ELAVL4: variants seen among roughly 807,000 people sequenced by gnomAD.
The protein encoded by ELAVL4 is ELAV like RNA binding protein 4.
ELAVL4 carries 1 observed loss-of-function variant against 35.6 expected under a neutral mutation model. The ratio of observed to expected loss-of-function variants is 0.03; its 90% CI spans 0.01 to 0.13. The LOEUF (loss-of-function observed/expected upper bound fraction) is 0.13. ELAVL4 is among the 10% of genes least tolerant of loss of function. ELAVL4 has a pLI of 1.00. For synonymous variants in ELAVL4, 156 were observed against 171.0 expected (o/e 0.91, Z 0.69); for missense variants, 267 against 464.9 (o/e 0.57, Z 3.91).
At chr1:50,075,165 C>T (rs1223227567) in intron 1 of ELAVL4, among the ~76,000 whole-genome samples, 1 of 152,028 alleles carries the variant, frequency 6.6e-6, no homozygotes, top group Admixed American at 6.6e-5. Flanking sequence ...CTAGGGCAGC[C>T]ATGTTTAAGA....
At chr1:50,164,789 C>T (rs956790142) in intron 2 of ELAVL4, among the ~76,000 whole-genome samples, 4 of 152,224 alleles carry the variant, frequency 2.6e-5, no homozygotes, top group East Asian at 1.9e-4. Flanking sequence ...CTGCTTTTCC[C>T]GGTCCTTTTA....
chr1:50,135,324 G>A (rs1442920542), intron 1 of ELAVL4, among the ~76,000 whole-genome samples: 2 of 152,130 alleles, frequency 1.3e-5, no homozygotes, highest in South Asian at 4.1e-4. Context: ...TAGGATGTAG[G>A]CATTTATACC....
At chr1:50,148,937 A>G (rs1409263216) in intron 2 of ELAVL4, among the ~76,000 whole-genome samples, 1 of 152,172 alleles carries the variant, frequency 6.6e-6, no homozygotes, top group Non-Finnish European at 1.5e-5. Flanking sequence ...TTTAGGGGAG[A>G]AAACATGTGG....
intron 1 of ELAVL4, among the ~76,000 whole-genome samples, chr1:50,091,396 T>C (rs1047049057): frequency 6.6e-5 from 10 of 152,128 alleles, no homozygotes; most frequent in African/African-American, 2.2e-4. Context: ...GAAAGTTCTC[T>C]CCTCCACCCC....
intron 3 of ELAVL4, among the ~76,000 whole-genome samples, chr1:50,189,694 A>T (rs1424721685): frequency 6.6e-6 from 1 of 152,194 alleles, no homozygotes; most frequent in East Asian, 1.9e-4. Flanking sequence ...GGCCCACAAA[A>T]GCCTGTATGA....
intron 1 of ELAVL4, among the ~76,000 whole-genome samples, chr1:50,126,966 A>G (rs991888139): frequency 1.3e-5 from 2 of 152,078 alleles, no homozygotes; most frequent in African/African-American, 2.4e-5. Context: ...GACCCCCTTG[A>G]TCACTAGTTC....
intron 1 of ELAVL4, chr1:50,048,306 A>T: frequency 5.6e-6 from 7 of 1,248,466 alleles, no homozygotes; most frequent in Non-Finnish European, 7.4e-6. Flanking sequence ...CCCGACTCCC[A>T]GGGAGGGGGA....
chr1:50,110,942 A>G (rs1666963610), intron 1 of ELAVL4, among the ~76,000 whole-genome samples: 1 of 151,986 alleles, frequency 6.6e-6, no homozygotes, highest in South Asian at 2.1e-4. Context: ...GGTGGCTATC[A>G]TGAGAACACA....
chr1:50,083,774 A>C (rs1333708074), intron 1 of ELAVL4, among the ~76,000 whole-genome samples: 4 of 152,206 alleles, frequency 2.6e-5, no homozygotes, highest in Non-Finnish European at 5.9e-5. Flanking sequence ...GTGAATTTTT[A>C]GAAGTTTCTG....
At chr1:50,113,658 T>C (rs867175325) in intron 1 of ELAVL4, among the ~76,000 whole-genome samples, 2 of 152,224 alleles carry the variant, frequency 1.3e-5, no homozygotes, top group Middle Eastern at 3.4e-3. Context: ...GGAAGGGACA[T>C]GAACATTTTC....
At position 50,066,274 on chromosome 1, in the gene ELAVL4, C is replaced by T. The variant is rs867941598; in HGVS notation, c.18+18092C>T. ...AGACTGTGAGTTAAGGATGTTTTAG[C>T]CTTCATAACATGCTAGATACTATCT... On this transcript the variant is annotated intron_variant, in intron 1 of 6. Coordinates refer to the ELAVL4 transcript ENST00000448907. Among the ~76,000 whole-genome samples the T allele has an allele frequency of 1.5e-4, 23 of 152,256 alleles. 1 individual carries two copies. Among genetic ancestry groups the T allele is most frequent in the South Asian group, 1.0e-3 (5 of 4,828 alleles).
intron 2 of ELAVL4, among the ~76,000 whole-genome samples, chr1:50,151,800 A>G (rs1336456721): frequency 2.6e-5 from 4 of 152,194 alleles, no homozygotes; most frequent in Admixed American, 2.0e-4. Context: ...AAAGAAGAAT[A>G]AAAGAGTTTT....
intron 1 of ELAVL4, among the ~76,000 whole-genome samples, chr1:50,111,419 A>G (rs1171969260): frequency 1.3e-5 from 2 of 152,150 alleles, no homozygotes; most frequent in African/African-American, 4.8e-5. Flanking sequence ...AATTTCCAGC[A>G]AATATTCATA....
chr1:50,048,147 G>T lies in ELAVL4; in HGVS notation c.-18G>T, dbSNP rs1463277522. 8 of 1,520,742 alleles carry T rather than the reference G, an allele frequency of 5.3e-6. No individual in the cohort carries two copies. In the Admixed American group the frequency reaches 6.1e-5, roughly 12 times the overall value. The allele number at this position is 1,520,742 out of a possible 1,614,324, so 94.2% of individuals were successfully genotyped here. A position where few individuals can be genotyped will look rare whatever the true frequency, so the allele number is the denominator to read the frequency against. ...ACCCAGCCTCCGCAGCCTCGGGCCG[G>T]ATCGCCCGGCGGGGAAGATGCGCCT... is the stretch of plus-strand genomic sequence containing the variant. On this transcript the variant is annotated 5_prime_UTR_variant, in exon 1 of 7. Coordinates refer to the ELAVL4 transcript ENST00000448907.
upstream of ELAVL4, chr1:50,106,374 C>A: frequency 6.2e-7 from 1 of 1,613,240 alleles, no homozygotes; most frequent in Non-Finnish European, 8.5e-7. Context: ...ATTAATGAGT[C>A]AAGAAACTGC....
At chr1:50,066,342 C>G (rs1664265837) in intron 1 of ELAVL4, among the ~76,000 whole-genome samples, 1 of 152,170 alleles carries the variant, frequency 6.6e-6, no homozygotes, top group Non-Finnish European at 1.5e-5. Context: ...GTCCTTCCAG[C>G]ACACATTGAT....
intron 3 of ELAVL4, among the ~76,000 whole-genome samples, chr1:50,185,156 T>G (rs544630696): frequency 1.2e-3 from 180 of 152,298 alleles, no homozygotes; most frequent in African/African-American, 4.1e-3. Flanking sequence ...CATTTCTCCA[T>G]GGTGCTCCTG....
chr1:50,060,698 C>T (rs2148476827), intron 1 of ELAVL4, among the ~76,000 whole-genome samples: 1 of 152,340 alleles, frequency 6.6e-6, no homozygotes, highest in Non-Finnish European at 1.5e-5. Flanking sequence ...CCTGCCAAGT[C>T]TCAAACAAGT....
At chr1:50,086,108 T>C (rs955927435) in intron 1 of ELAVL4, among the ~76,000 whole-genome samples, 15 of 152,206 alleles carry the variant, frequency 9.9e-5, no homozygotes, top group African/African-American at 3.6e-4. Flanking sequence ...TTTTCCAGCT[T>C]GTCTTCCCTG....
Sources: allele counts gnomAD v4.1 joint callset (sites outside exome capture counted in the v4.1 genomes callset), GRCh38; gene constraint gnomAD v4.1.1; transcripts MANE v1.5; gene names NCBI Gene and HGNC (gene_info 2026-07-23, HGNC 2026-07-21).